Variants in TMEM273 observed in about 807,000 individuals in gnomAD.
The protein encoded by TMEM273 is transmembrane protein 273.
In TMEM273, 19 loss-of-function variants were observed where a neutral mutation model predicts 17.9. That is an observed-to-expected ratio of 1.06 (90% confidence interval 0.74 to 1.55). The LOEUF is 1.55. Among genes scored for constraint, TMEM273 ranks in the 40% most tolerant of loss-of-function variants. The probability of loss-of-function intolerance (pLI) is 0.00; values close to 1 mark genes in which losing one functional copy is unlikely to be tolerated. For synonymous variants in TMEM273, 66 were observed against 62.0 expected, an observed-to-expected ratio of 1.07 and a Z score of -0.31; for missense variants, 194 against 155.6, an observed-to-expected ratio of 1.25 and a Z score of -1.31.
intron 1 of TMEM273, among the ~76,000 whole-genome samples, chr10:49,175,034 A>G (rs1846859395): frequency 6.6e-6 from 1 of 151,418 alleles, no homozygotes; most frequent in Non-Finnish European, 1.5e-5. Flanking sequence ...AAACAAAAGG[A>G]CCAGTTGGAG....
intron 1 of TMEM273, among the ~76,000 whole-genome samples, chr10:49,173,492 T>C (rs1846724793): frequency 6.6e-6 from 1 of 152,164 alleles, no homozygotes; most frequent in Admixed American, 6.5e-5. Flanking sequence ...TGCTTTTCCC[T>C]CGTCCCTGTG....
At chr10:49,169,381 C>T (rs1306749651) in intron 1 of TMEM273, among the ~76,000 whole-genome samples, 2 of 152,282 alleles carry the variant, frequency 1.3e-5, no homozygotes, top group South Asian at 4.2e-4. Flanking sequence ...CCCAGAGTGG[C>T]GTGGTAGGTT....
chr10:49,176,148 A>C (rs76248473), intron 1 of TMEM273, among the ~76,000 whole-genome samples: 4 of 152,176 alleles, frequency 2.6e-5, no homozygotes, highest in Non-Finnish European at 5.9e-5. Flanking sequence ...CCCCGGAAGG[A>C]GTGTGTGCAC....
chr10:49,161,545 G>A, intron 6 of TMEM273, 54 bp downstream of exon 6: 4 of 1,612,200 alleles, frequency 2.5e-6, no homozygotes, highest in Non-Finnish European at 3.4e-6. Flanking sequence ...CAGCCCCATG[G>A]GGCAGAGACT....
At chr10:49,166,178 G>T (rs533987967) in intron 3 of TMEM273, among the ~76,000 whole-genome samples, 1 of 152,262 alleles carries the variant, frequency 6.6e-6, no homozygotes, top group Middle Eastern at 3.4e-3. Flanking sequence ...AAACTGCACC[G>T]TCATTGCAGT....
At chr10:49,159,024 A>T (rs956013224) in intron 6 of TMEM273, among the ~76,000 whole-genome samples, 2 of 152,192 alleles carry the variant, frequency 1.3e-5, no homozygotes, top group Non-Finnish European at 2.9e-5. Context: ...ATAAACCAGG[A>T]ACTATTGAAA....
Position 49,155,631 on chromosome 10 carries a change from T to C in TMEM273, c.*261A>G. ...CTCCAACACAGGGTGAAGCTTTTGG[T>C]GTCCACCTTCTTCCACTGCAGGCTA... On this transcript the variant is annotated 3_prime_UTR_variant, in exon 7 of 7. Transcript: ENST00000374153. 1.8e-6 allele frequency: 1 copy of C among 569,336 alleles called. No homozygotes were observed. 35.3% of individuals were successfully genotyped at this position (569,336 alleles called of 1,614,324 possible).
At chr10:49,157,302 G>T (rs1013003904) in intron 6 of TMEM273, among the ~76,000 whole-genome samples, 1 of 152,216 alleles carries the variant, frequency 6.6e-6, no homozygotes, top group African/African-American at 2.4e-5. Context: ...AGCCAGGCAC[G>T]ATCTGGAGAA....
intron 1 of TMEM273, among the ~76,000 whole-genome samples, chr10:49,172,168 A>G (rs1324459081): frequency 6.6e-6 from 1 of 152,212 alleles, no homozygotes; most frequent in Admixed American, 6.5e-5. Flanking sequence ...TTGAATGTCT[A>G]GGACAGGCTT....
intron 2 of TMEM273, among the ~76,000 whole-genome samples, chr10:49,167,629 G>C (rs764039025): frequency 2.6e-5 from 4 of 152,246 alleles, no homozygotes; most frequent in Non-Finnish European, 4.4e-5. Context: ...AAAGCATGCT[G>C]TCAGGGCCCA....
intron 6 of TMEM273, among the ~76,000 whole-genome samples, chr10:49,157,763 A>G: frequency 6.6e-6 from 1 of 152,244 alleles, no homozygotes. Context: ...TGGATTTCCC[A>G]TCAAAGTCTG....
intron 5 of TMEM273, among the ~76,000 whole-genome samples, chr10:49,161,842 G>C (rs1478479200): frequency 1.3e-5 from 2 of 152,042 alleles, no homozygotes; most frequent in South Asian, 2.1e-4. Context: ...GCTCTGTTAC[G>C]ATACCTGCCA....
intron 1 of TMEM273, among the ~76,000 whole-genome samples, chr10:49,180,292 G>A: frequency 6.6e-6 from 1 of 152,142 alleles, no homozygotes; most frequent in Non-Finnish European, 1.5e-5. Flanking sequence ...AGTGCTAAAG[G>A]GGAAGCCCAC....
chr10:49,174,870 G>A (rs1846847227), intron 1 of TMEM273, among the ~76,000 whole-genome samples: 1 of 152,138 alleles, frequency 6.6e-6, no homozygotes, highest in African/African-American at 2.4e-5. Context: ...AAGGCTTCTG[G>A]AAGACAGGCA....
intron 4 of TMEM273, 26 bp downstream of exon 4, chr10:49,165,740 C>T: frequency 1.2e-6 from 2 of 1,614,028 alleles, no homozygotes; most frequent in Non-Finnish European, 1.7e-6. Context: ...GATACCTCTC[C>T]CTGACTGTGT....
chr10:49,167,228 G>A (rs1188931307), intron 2 of TMEM273, among the ~76,000 whole-genome samples: 2 of 152,138 alleles, frequency 1.3e-5, no homozygotes, highest in Admixed American at 1.3e-4. Flanking sequence ...ACCTTTCAAG[G>A]CTCCCTGAAG....
chr10:49,162,375 GCA>G (rs377101525), intron 5 of TMEM273, among the ~76,000 whole-genome samples: 104 of 152,220 alleles, frequency 6.8e-4, no homozygotes, highest in Middle Eastern at 6.8e-3. Context: ...ATATGCGTGC[GCA>G]CACACACAAC....
chr10:49,156,420 A>G (rs1416776797), intron 6 of TMEM273, among the ~76,000 whole-genome samples: 1 of 152,208 alleles, frequency 6.6e-6, no homozygotes, highest in Non-Finnish European at 1.5e-5. Flanking sequence ...AAGGGGAAAC[A>G]TGGAAGAGAA....
intron 1 of TMEM273, among the ~76,000 whole-genome samples, 183 bp downstream of exon 1, chr10:49,188,111 T>C (rs1007211131): frequency 6.6e-6 from 1 of 152,228 alleles, no homozygotes; most frequent in Non-Finnish European, 1.5e-5. Context: ...GAAGCATTTG[T>C]AAGTTGCAGC....
Sources: allele counts gnomAD v4.1 joint callset (sites outside exome capture counted in the v4.1 genomes callset), GRCh38; gene constraint gnomAD v4.1.1; transcripts MANE v1.5; gene names NCBI Gene and HGNC (gene_info 2026-07-23, HGNC 2026-07-21).